EXT1: variants seen among roughly 807,000 people sequenced by gnomAD.
EXT1 encodes exostosin-1.
A neutral mutation model predicts 82.5 loss-of-function variants in EXT1; 20 were observed. That is an observed-to-expected ratio of 0.24 (90% CI 0.17 to 0.35). The LOEUF (loss-of-function observed/expected upper bound fraction) is 0.35. EXT1 is among the 10% of genes least tolerant of loss of function. EXT1 has a pLI of 1.00. For missense variants in EXT1, 757 were observed against 936.5 expected, an observed-to-expected ratio of 0.81 and a Z score of 2.50; for synonymous variants, 348 against 350.8, an observed-to-expected ratio of 0.99 and a Z score of 0.09.
chr8:118,057,075 C>G (rs763672474), intron 1 of EXT1, among the ~76,000 whole-genome samples: 1 of 152,208 alleles, frequency 6.6e-6, no homozygotes, highest in Non-Finnish European at 1.5e-5. Context: ...CAGGACTGCT[C>G]TCCTCCTCCA....
In EXT1 at chr8:117,830,280, A is replaced by C; in HGVS notation, c.1234T>G (p.Trp412Gly). The C allele has an allele frequency of 6.2e-7, 1 of 1,614,114 alleles. No homozygotes were observed. Among genetic ancestry groups the C allele is most frequent in the Non-Finnish European group, 8.5e-7 (1 of 1,180,006 alleles). The change falls in exon 4 of 11, where the codon TGG becomes GGG. Residue 412 changes from tryptophan to glycine, a missense_variant. Trp to Gly is a radical substitution (Grantham distance 184). This residue lies in a region of EXT1 where 207 missense variants were observed against 224.2 expected (regional missense o/e 0.92). Transcript: ENST00000378204. ...TCAACTGAAGAAAAATAAGCCTCCC[A>C]CAAGAATTGTGTCTGCTGTCTAAGT... is the stretch of plus-strand genomic sequence containing the variant. Reference protein sequence around the residue: ...LALRQQTQFLWEAYFSSVEKI... With the variant: ...LALRQQTQFLGEAYFSSVEKI...
chr8:117,845,258 G>A (rs185812753), intron 1 of EXT1, among the ~76,000 whole-genome samples: 23 of 152,320 alleles, frequency 1.5e-4, no homozygotes, highest in African/African-American at 5.5e-4. Flanking sequence ...CGTGGGGAAA[G>A]ATACACCTGT....
Position 118,105,036 on chromosome 8 carries a change from C to T in EXT1, c.962+5049G>A, listed in dbSNP as rs531531172. On this transcript the variant is annotated intron_variant, in intron 1 of 10. Transcript: ENST00000378204. ...CCTCAATTCAGCCACTTACAGGCTG[C>T]GTAGCCTCAGGCAAGTCACCTTACC... is the stretch of plus-strand genomic sequence containing the variant. Among the ~76,000 whole-genome samples the T allele has an allele frequency of 1.5e-4, 23 of 152,338 alleles. No individual in the cohort carries two copies. The South Asian group carries it at 2.1e-3, about 14-fold the overall frequency.
At chr8:118,075,366 G>A (rs931398326) in intron 1 of EXT1, among the ~76,000 whole-genome samples, 1 of 152,202 alleles carries the variant, frequency 6.6e-6, no homozygotes, top group South Asian at 2.1e-4. Context: ...AAGAGAGGCT[G>A]ATCTATGTGT....
chr8:118,044,884 T>C (rs778060393), intron 1 of EXT1, among the ~76,000 whole-genome samples: 3 of 152,236 alleles, frequency 2.0e-5, no homozygotes, highest in Non-Finnish European at 1.5e-5. Context: ...ACATATTGTC[T>C]ACAGCTGCTA....
intron 1 of EXT1, among the ~76,000 whole-genome samples, chr8:117,994,061 T>A (rs148488107): frequency 6.6e-6 from 1 of 152,348 alleles, no homozygotes; most frequent in African/African-American, 2.4e-5. Flanking sequence ...AAGCGGATGC[T>A]AGAACTGTGC....
rs116979724 is a variant in EXT1 at position 117,852,211 on chromosome 8, A to G, written c.963-15010T>C. Among the ~76,000 whole-genome samples, 1,433 of 152,302 alleles carry G rather than the reference A, an allele frequency of 9.4e-3. 15 individuals carry two copies. Among genetic ancestry groups the G allele is most frequent in the Admixed American group, 0.047 (719 of 15,302 alleles). ...GACTTCAGGACCCAAGTTATTGTAC[A>G]CAATTGCACGTTGCCTCCTTTCCAT... On this transcript the variant is annotated intron_variant, in intron 1 of 10. Transcript: ENST00000378204.
chr8:117,947,551 A>G (rs1351946923), intron 1 of EXT1, among the ~76,000 whole-genome samples: 1 of 152,162 alleles, frequency 6.6e-6, no homozygotes, highest in Non-Finnish European at 1.5e-5. Context: ...CCTGAGGCTC[A>G]CTTTAGGGTC....
At chr8:117,986,862 C>G (rs558388170) in intron 1 of EXT1, among the ~76,000 whole-genome samples, 22 of 152,284 alleles carry the variant, frequency 1.4e-4, no homozygotes, top group Non-Finnish European at 2.8e-4. Context: ...ACCATCACAT[C>G]TCAAAATGAC....
chr8:117,840,322 A>G (rs1812254451), intron 1 of EXT1, among the ~76,000 whole-genome samples: 1 of 152,094 alleles, frequency 6.6e-6, no homozygotes, highest in South Asian at 2.1e-4. Context: ...GCCTACAGAA[A>G]GAGAGAACCA....
rs1303923337 is a variant in EXT1, at chr8:117,972,937, T to TA, written c.963-135737dup. Among the ~76,000 whole-genome samples, 3 of 152,172 alleles carry TA rather than the reference T, an allele frequency of 2.0e-5. No individual in the cohort carries two copies. The East Asian group carries it at 5.8e-4, about 29-fold the overall frequency. On this transcript the variant is annotated intron_variant, in intron 1 of 10. Coordinates refer to ENST00000378204, the MANE Select transcript of EXT1 (RefSeq NM_000127.3). Reference sequence around the variant, plus strand: ...CATGACACATGGGGATTATGGGAACTAAAATTCAGATGAGATTTCGGTGGG... The same window carrying TA: ...CATGACACATGGGGATTATGGGAACTAAAAATTCAGATGAGATTTCGGTGGG...
intron 1 of EXT1, among the ~76,000 whole-genome samples, chr8:117,928,380 C>A (rs1813990379): frequency 6.6e-6 from 1 of 152,192 alleles, no homozygotes; most frequent in Non-Finnish European, 1.5e-5. Context: ...TGGTTGAATG[C>A]AGGCATGTAC....
chr8:117,809,577 C>T (rs968926032), intron 8 of EXT1, among the ~76,000 whole-genome samples: 8 of 149,754 alleles, frequency 5.3e-5, no homozygotes, highest in Non-Finnish European at 7.4e-5. Flanking sequence ...GCGGAGGTTG[C>T]GGTGAGCCGA....
chr8:118,014,431 T>C (rs1370164204), intron 1 of EXT1, among the ~76,000 whole-genome samples: 1 of 152,172 alleles, frequency 6.6e-6, no homozygotes, highest in Non-Finnish European at 1.5e-5. Context: ...ATACTCTCCT[T>C]CTCATGTCCG....
At chr8:117,952,757 A>G (rs1334583982) in intron 1 of EXT1, among the ~76,000 whole-genome samples, 1 of 152,106 alleles carries the variant, frequency 6.6e-6, no homozygotes, top group Admixed American at 6.6e-5. Context: ...GGAGACTGAA[A>G]AAAAAAAAAG....
chr8:118,110,937 C>T lies in EXT1; in HGVS notation c.110G>A (p.Arg37Lys), dbSNP rs757411850. 4.3e-6 allele frequency: 7 copies of T among 1,613,678 alleles called. No individual in the cohort carries two copies. The Admixed American group carries it at 1.0e-4, about 23-fold the overall frequency. The change falls in exon 1 of 11, where the codon AGA (arginine) becomes AAA (lysine). Residue 37 changes from arginine to lysine, a missense_variant. This residue lies in a region of EXT1 where 175 missense variants were observed against 159.0 expected (regional missense o/e 1.10). Transcript: ENST00000378204. Reference protein sequence around the residue: ...QFRASRSHSRREEHSGRNGLH... With the variant: ...QFRASRSHSRKEEHSGRNGLH... Reference sequence around the variant, plus strand: ...GCCATTCCTACCGCTGTGTTCTTCTCTCCGGCTGTGGCTCCTCGATGCCCT... The same window carrying T: ...GCCATTCCTACCGCTGTGTTCTTCTTTCCGGCTGTGGCTCCTCGATGCCCT...
intron 1 of EXT1, among the ~76,000 whole-genome samples, chr8:117,945,704 T>C (rs1481549885): frequency 6.6e-6 from 1 of 152,052 alleles, no homozygotes; most frequent in Admixed American, 6.6e-5. Context: ...GGTTTCACCA[T>C]GTTGGTGAGG....
At chr8:118,047,699 C>T (rs1816644334) in intron 1 of EXT1, among the ~76,000 whole-genome samples, 1 of 152,146 alleles carries the variant, frequency 6.6e-6, no homozygotes. Context: ...AGATAAAATA[C>T]AGAGCATACT....
chr8:117,952,812 C>A (rs1003107295), intron 1 of EXT1, among the ~76,000 whole-genome samples: 11 of 151,994 alleles, frequency 7.2e-5, no homozygotes, highest in African/African-American at 2.4e-4. Flanking sequence ...ATTCTTTTCC[C>A]CACTTTCAGT....
Sources: gnomAD v4.1 joint callset for allele counts (sites outside exome capture counted in the v4.1 genomes callset) on GRCh38, gnomAD v4.1.1 for gene constraint, gnomAD v4.1.1 regional missense constraint, MANE v1.5 for transcripts, NCBI Gene and HGNC (gene_info 2026-07-23, HGNC 2026-07-21) for gene names.